Variants in FAM169A observed in about 807,000 individuals in gnomAD.
FAM169A encodes family with sequence similarity 169 member A.
In FAM169A, 24 loss-of-function variants were observed where a neutral mutation model predicts 75.7. That is an observed-to-expected ratio of 0.32 (90% confidence interval 0.23 to 0.45). FAM169A has a LOEUF of 0.45. Among genes scored for constraint, FAM169A ranks in the 20% least tolerant of loss-of-function variants. FAM169A has a pLI of 1.00. For missense variants in FAM169A, 673 were observed against 784.0 expected (o/e 0.86, Z 1.69); for synonymous variants, 271 against 271.0 (o/e 1.00, Z 0.00).
chr5:74,795,522 T>G (rs1460888089), intron 11 of FAM169A, among the ~76,000 whole-genome samples: 1 of 150,006 alleles, frequency 6.7e-6, no homozygotes, highest in Non-Finnish European at 1.5e-5. Context: ...CAAGGGTTTA[T>G]ATATTTTTTT....
At chr5:74,785,676 C>T (rs962944242) in intron 11 of FAM169A, among the ~76,000 whole-genome samples, 2 of 152,142 alleles carry the variant, frequency 1.3e-5, no homozygotes, top group Non-Finnish European at 2.9e-5. Context: ...GCATGAGAAT[C>T]GCTTAAACTC....
Position 74,779,847 on chromosome 5 carries a change from G to A in FAM169A, c.*1613C>T, listed in dbSNP as rs1414433900. The A allele has an allele frequency of 1.3e-5, 2 of 152,062 alleles. No individual in the cohort carries two copies. Among genetic ancestry groups the A allele is most frequent in the Non-Finnish European group, 2.9e-5 (2 of 67,996 alleles). The allele number at this position is 152,062 out of a possible 1,614,324, so 9.4% of individuals were successfully genotyped here. On this transcript the variant is annotated 3_prime_UTR_variant, in exon 13 of 13. Coordinates refer to ENST00000687041, the MANE Select transcript of FAM169A (RefSeq NM_001376049.1). ...CCAACATCCCCAAACAAAATTTACT[G>A]ACCTGACATCAGCTTACTATAGACT...
At chr5:74,857,456 G>A (rs572492915) in intron 1 of FAM169A, among the ~76,000 whole-genome samples, 114 of 151,640 alleles carry the variant, frequency 7.5e-4, no homozygotes, top group African/African-American at 2.6e-3. Flanking sequence ...GGGGCTGAGG[G>A]AGAATGGCTT....
chr5:74,808,226 T>C (rs556924324), intron 6 of FAM169A, among the ~76,000 whole-genome samples: 89 of 152,248 alleles, frequency 5.8e-4, no homozygotes, highest in African/African-American at 2.1e-3. Context: ...AACCTAACTG[T>C]CCATCAATAG....
chr5:74,805,124 T>C, intron 7 of FAM169A, 32 bp downstream of exon 7: 1 of 1,603,804 alleles, frequency 6.2e-7, no homozygotes, highest in Non-Finnish European at 8.5e-7. Flanking sequence ...ATAAATAAAC[T>C]GAACTTATGT....
chr5:74,840,637 G>C (rs1343997404), intron 2 of FAM169A, among the ~76,000 whole-genome samples: 8 of 151,578 alleles, frequency 5.3e-5, no homozygotes, highest in Admixed American at 2.0e-4. Flanking sequence ...AGACCATCCT[G>C]GCTAACACAG....
In FAM169A at chr5:74,796,036, A is replaced by G; in HGVS notation, c.1254T>C (p.Gly418=). ...TGAATAAGTGATCTCATACCTTTTC[A>G]CCATCTTGCTTCTCTTGCTGTGGCT... ...ETQPQQEKQD[G]EKESELEPMN... is the part of the protein sequence containing the mutation. The change falls in exon 11 of 13, where the codon GGT becomes GGC. Residue 418 remains glycine (G), a synonymous_variant. Transcript: ENST00000687041. 1 of 1,612,284 alleles carries G rather than the reference A, an allele frequency of 6.2e-7. No homozygotes were observed. The highest frequency in any genetic ancestry group is 8.5e-7 in the Non-Finnish European group (1 of 1,179,646).
intron 1 of FAM169A, among the ~76,000 whole-genome samples, chr5:74,857,133 A>G (rs1044926934): frequency 6.9e-6 from 1 of 145,428 alleles, no homozygotes; most frequent in Non-Finnish European, 1.5e-5. Flanking sequence ...AAAAAAAATC[A>G]CACTGCAAAA....
At chr5:74,860,092 G>GA (rs2112746087) in intron 1 of FAM169A, among the ~76,000 whole-genome samples, 1 of 152,154 alleles carries the variant, frequency 6.6e-6, no homozygotes, top group Non-Finnish European at 1.5e-5. Flanking sequence ...TACAGATGAG[G>GA]AAACTGAGGC....
chr5:74,814,444 CTCTGA>C lies in FAM169A; in HGVS notation c.491-430_491-426del, dbSNP rs574011338. 2.8e-3 allele frequency among the ~76,000 whole-genome samples: 418 copies of C among 151,880 alleles called. 1 individual carries two copies. The highest frequency in any genetic ancestry group is 5.1e-3 in the Non-Finnish European group (344 of 67,900). ...ATCCTTTTTTTTTCTTTGAGGATGT[CTCTGA>C]TCTGTATTTTTTTAAACATTCATAT... On this transcript the variant is annotated intron_variant, in intron 5 of 12. Coordinates refer to ENST00000687041, the MANE Select transcript of FAM169A (RefSeq NM_001376049.1).
chr5:74,823,842 A>G (rs574965742), intron 5 of FAM169A, among the ~76,000 whole-genome samples: 5 of 152,188 alleles, frequency 3.3e-5, no homozygotes, highest in African/African-American at 9.6e-5. Context: ...CACTCTCCCA[A>G]CAAAAAATTC....
chr5:74,816,259 G>A (rs1409525751), intron 5 of FAM169A, among the ~76,000 whole-genome samples: 1 of 152,172 alleles, frequency 6.6e-6, no homozygotes, highest in Non-Finnish European at 1.5e-5. Flanking sequence ...AGAAAGCACT[G>A]TCTAGTTCTA....
At chr5:74,809,388 A>T (rs1456787174) in intron 6 of FAM169A, among the ~76,000 whole-genome samples, 1 of 152,094 alleles carries the variant, frequency 6.6e-6, no homozygotes, top group Admixed American at 6.6e-5. Flanking sequence ...AGGTCAGGAG[A>T]TCGAGACCAT....
In FAM169A at chr5:74,813,880, C is replaced by T. The variant is rs768881317; in HGVS notation, c.630G>A (p.Ala210=). The T allele has an allele frequency of 7.5e-6, 12 of 1,602,362 alleles. No individual in the cohort carries two copies. The highest frequency in any genetic ancestry group is 2.2e-5 in the East Asian group (1 of 44,522). ...EDFVDSFTED[A]LGLRYPLSSL... ...AAGACAGTGGATACCGCAAGCCAAG[C>T]GCATCTTCTGTAAAGGAATCAACAA... The change falls in exon 6 of 13, where the codon GCG becomes GCA. Residue 210 remains alanine, a synonymous_variant. Coordinates refer to ENST00000687041, the MANE Select transcript of FAM169A (RefSeq NM_001376049.1).
intron 2 of FAM169A, among the ~76,000 whole-genome samples, chr5:74,840,646 A>T (rs143992627): frequency 2.0e-5 from 3 of 151,842 alleles, no homozygotes; most frequent in Non-Finnish European, 1.5e-5. Flanking sequence ...TGGCTAACAC[A>T]GTGAAACCCC....
chr5:74,813,760 A>C (rs146918030), intron 6 of FAM169A, 80 bp downstream of exon 6: 1 of 1,107,554 alleles, frequency 9.0e-7, no homozygotes, highest in Non-Finnish European at 1.3e-6. Context: ...ACTGATATAT[A>C]CACATTTACC....
chr5:74,818,801 CTCTATATA>C (rs1389467087), intron 5 of FAM169A, among the ~76,000 whole-genome samples: 106 of 123,144 alleles, frequency 8.6e-4, no homozygotes, highest in South Asian at 1.8e-3. Flanking sequence ...CTCTCTCTCT[CTCTATATA>C]TATATATATA....
chr5:74,801,537 C>A, intron 9 of FAM169A, 53 bp downstream of exon 9: 2 of 1,338,274 alleles, frequency 1.5e-6, no homozygotes, highest in East Asian at 4.6e-5. Context: ...ACACACACAG[C>A]CCTAATTTGA....
intron 11 of FAM169A, among the ~76,000 whole-genome samples, chr5:74,794,640 G>A (rs538802305): frequency 9.5e-4 from 143 of 150,578 alleles, no homozygotes; most frequent in Middle Eastern, 3.4e-3. Flanking sequence ...TTAGCCGGGC[G>A]TTGTGGCGTG....
Sources: allele counts gnomAD v4.1 joint callset (sites outside exome capture counted in the v4.1 genomes callset), GRCh38; gene constraint gnomAD v4.1.1; transcripts MANE v1.5; gene names NCBI Gene and HGNC (gene_info 2026-07-23, HGNC 2026-07-21).